Variants in FGF14 observed in about 807,000 individuals in gnomAD.
FGF14 encodes the protein fibroblast growth factor 14, also known as fibroblast growth factor homologous factor 4.
In FGF14, 5 loss-of-function variants were observed where a neutral mutation model predicts 25.5. The ratio of observed to expected loss-of-function variants is 0.20; its 90% CI spans 0.10 to 0.41. The LOEUF (loss-of-function observed/expected upper bound fraction) is 0.41, where lower values mean the gene tolerates loss of function less well. Ranked by LOEUF, FGF14 falls within the 10% of genes least tolerant of loss-of-function variation. FGF14 has a pLI of 1.00. For synonymous variants in FGF14, 138 were observed against 118.3 expected, an observed-to-expected ratio of 1.17 and a Z score of -1.08; for missense variants, 222 against 320.1, an observed-to-expected ratio of 0.69 and a Z score of 2.34.
At chr13:102,264,932 G>C (rs770306250) in intron 1 of FGF14, among the ~76,000 whole-genome samples, 1 of 152,152 alleles carries the variant, frequency 6.6e-6, no homozygotes, top group South Asian at 2.1e-4. Context: ...GAGAAGAGCT[G>C]AGAGTAGATA....
At chr13:101,835,226 T>C (rs1440717588) in intron 3 of FGF14, among the ~76,000 whole-genome samples, 2 of 151,990 alleles carry the variant, frequency 1.3e-5, no homozygotes, top group Non-Finnish European at 2.9e-5. Flanking sequence ...GTTGTGTATG[T>C]GGGTGTGTGT....
At chr13:102,006,614 C>T (rs1029932557) in intron 1 of FGF14, among the ~76,000 whole-genome samples, 7 of 151,392 alleles carry the variant, frequency 4.6e-5, no homozygotes, top group African/African-American at 1.5e-4. Context: ...CAAAAGCAAC[C>T]AAACTGAATT....
rs550670592 is a variant in FGF14 at position 102,213,937 on chromosome 13, G to A, written c.208+187534C>T. Among the ~76,000 whole-genome samples, 10 of 152,306 alleles carry A rather than the reference G, an allele frequency of 6.6e-5. No homozygotes were observed. In the East Asian group the frequency reaches 1.3e-3, roughly 21 times the overall value. On this transcript the variant is annotated intron_variant, in intron 1 of 4. Transcript: ENST00000376131. The stretch of plus-strand genomic sequence containing the variant: ...TCAGATGCTCCAGCCTCAAGAATGA[G>A]GAAGACTGATGATACCTTTGGCCTG...
At chr13:101,958,683 C>T (rs1478334927) in intron 1 of FGF14, among the ~76,000 whole-genome samples, 1 of 152,202 alleles carries the variant, frequency 6.6e-6, no homozygotes, top group African/African-American at 2.4e-5. Context: ...ATTTAGAAGC[C>T]AGCCTCACAC....
chr13:102,362,282 C>G (rs1419011318), intron 1 of FGF14, among the ~76,000 whole-genome samples: 1 of 152,156 alleles, frequency 6.6e-6, no homozygotes, highest in South Asian at 2.1e-4. Context: ...TGGGACTGTA[C>G]TTTCCTCCTC....
chr13:102,123,820 G>A (rs2045837620), intron 1 of FGF14, among the ~76,000 whole-genome samples: 1 of 152,128 alleles, frequency 6.6e-6, no homozygotes, highest in South Asian at 2.1e-4. Flanking sequence ...TAGAATAAGT[G>A]TGAAACAATA....
intron 1 of FGF14, among the ~76,000 whole-genome samples, chr13:102,064,541 AAT>A (rs2042822541): frequency 6.6e-6 from 1 of 152,000 alleles, no homozygotes; most frequent in East Asian, 1.9e-4. Context: ...AAACAATATA[AAT>A]ATATATTATA....
intron 2 of FGF14, among the ~76,000 whole-genome samples, chr13:101,874,227 T>A (rs894494835): frequency 4.1e-4 from 62 of 152,068 alleles, no homozygotes; most frequent in African/African-American, 1.3e-3. Flanking sequence ...AAAATAAAAA[T>A]AAAAAAGGAA....
upstream of FGF14, among the ~76,000 whole-genome samples, chr13:101,917,299 C>A (rs767165181): frequency 2.6e-5 from 4 of 152,158 alleles, 1 homozygote; most frequent in South Asian, 4.1e-4. Context: ...CCCCACTACA[C>A]CCCCTCCACC....
At chr13:101,797,108 C>A (rs1433804346) in intron 3 of FGF14, among the ~76,000 whole-genome samples, 1 of 152,094 alleles carries the variant, frequency 6.6e-6, no homozygotes, top group Non-Finnish European at 1.5e-5. Context: ...TTATAATACC[C>A]ACCTTACAAC....
chr13:102,254,790 C>G (rs1430119732), intron 1 of FGF14, among the ~76,000 whole-genome samples: 2 of 152,160 alleles, frequency 1.3e-5, no homozygotes, highest in African/African-American at 2.4e-5. Flanking sequence ...CCAAATGTCC[C>G]CTGAGGAGCA....
At chr13:102,159,301 T>C (rs573014173) in intron 1 of FGF14, among the ~76,000 whole-genome samples, 1 of 152,340 alleles carries the variant, frequency 6.6e-6, no homozygotes, top group East Asian at 1.9e-4. Flanking sequence ...TAATTTAACC[T>C]GCTGCCACCC....
intron 1 of FGF14, among the ~76,000 whole-genome samples, chr13:102,261,562 C>A (rs901028503): frequency 1.3e-5 from 2 of 152,072 alleles, no homozygotes. Context: ...TTTCCCAAAC[C>A]GGGGAAGGAA....
chr13:102,142,744 C>G (rs2046694261), intron 1 of FGF14, among the ~76,000 whole-genome samples: 1 of 152,136 alleles, frequency 6.6e-6, no homozygotes, highest in Non-Finnish European at 1.5e-5. Flanking sequence ...TGTTTCCCAT[C>G]ACTAATTCAC....
intron 4 of FGF14, among the ~76,000 whole-genome samples, chr13:101,724,631 T>TATATATATATATAA (rs1284515756): frequency 3.7e-5 from 4 of 109,134 alleles, no homozygotes; most frequent in African/African-American, 1.0e-4. Flanking sequence ...TATATATATA[T>TATATATATATATAA]AAAACAAAGA....
At chr13:101,750,668 T>C (rs923161642) in intron 3 of FGF14, among the ~76,000 whole-genome samples, 5 of 152,128 alleles carry the variant, frequency 3.3e-5, no homozygotes, top group Non-Finnish European at 7.4e-5. Context: ...TAACTGACCA[T>C]AGGATCTAAA....
At chr13:101,877,802 T>G (rs955721673) in intron 1 of FGF14, among the ~76,000 whole-genome samples, 16 of 152,280 alleles carry the variant, frequency 1.1e-4, no homozygotes, top group African/African-American at 3.9e-4. Flanking sequence ...ATCTCACTTT[T>G]CCATTGGCCA....
chr13:102,020,439 T>C (rs2040577393), intron 1 of FGF14, among the ~76,000 whole-genome samples: 1 of 151,988 alleles, frequency 6.6e-6, no homozygotes, highest in East Asian at 1.9e-4. Context: ...TCCCAGCTAC[T>C]TGGGAGCCTG....
At chr13:102,369,050 T>C (rs2057798523) in intron 1 of FGF14, among the ~76,000 whole-genome samples, 1 of 152,206 alleles carries the variant, frequency 6.6e-6, no homozygotes. Context: ...TTAGTAAAAC[T>C]TGTCTACTTC....
Sources: gnomAD v4.1 joint callset for allele counts (sites outside exome capture counted in the v4.1 genomes callset) on GRCh38, gnomAD v4.1.1 for gene constraint, MANE v1.5 for transcripts, NCBI Gene and HGNC (gene_info 2026-07-23, HGNC 2026-07-21) for gene names.